The following SHISA9 variants were observed in gnomAD, a reference collection of about 807,000 sequenced individuals.
SHISA9 encodes the protein protein shisa-9.
In SHISA9, 13 loss-of-function variants were observed where a neutral mutation model predicts 38.0. That is an observed-to-expected ratio of 0.34 (90% CI 0.22 to 0.54). SHISA9 has a LOEUF of 0.54. Among genes scored for constraint, SHISA9 ranks in the 20% least tolerant of loss-of-function variants. The pLI is 0.91. For synonymous variants in SHISA9, 275 were observed against 242.0 expected, an observed-to-expected ratio of 1.14 and a Z score of -1.27; for missense variants, 538 against 575.8, an observed-to-expected ratio of 0.93 and a Z score of 0.67.
At chr16:13,314,581 AT>A in the SHISA9 span, among the ~76,000 whole-genome samples, 3 of 148,972 alleles carry the variant, frequency 2.0e-5, no homozygotes, top group Admixed American at 1.3e-4. Context: ...GGTATAATTG[AT>A]ATACCAAAAA....
chr16:12,947,491 C>G (rs12447911), intron 2 of SHISA9, among the ~76,000 whole-genome samples: 1 of 152,148 alleles, frequency 6.6e-6, no homozygotes, highest in Non-Finnish European at 1.5e-5. Flanking sequence ...GTAAAGCACA[C>G]GCTTTGCCTT....
the SHISA9 span, among the ~76,000 whole-genome samples, chr16:13,477,030 C>T: frequency 1.3e-5 from 2 of 152,142 alleles, no homozygotes; most frequent in Non-Finnish European, 2.9e-5. Context: ...AGGCGTGAGC[C>T]ACTGCGCCCA....
At chr16:13,256,152 G>C in the SHISA9 span, among the ~76,000 whole-genome samples, 1 of 152,164 alleles carries the variant, frequency 6.6e-6, no homozygotes, top group African/African-American at 2.4e-5. Flanking sequence ...TCCTACATCT[G>C]CTTAATCCTA....
chr16:13,211,976 A>C (rs1023924831), intron 3 of SHISA9, among the ~76,000 whole-genome samples: 1 of 150,956 alleles, frequency 6.6e-6, no homozygotes, highest in African/African-American at 2.4e-5. Context: ...TAACTTCCTC[A>C]CTCTTCTCTC....
At chr16:13,004,129 G>C (rs1442919008) in intron 2 of SHISA9, among the ~76,000 whole-genome samples, 1 of 152,154 alleles carries the variant, frequency 6.6e-6, no homozygotes, top group Non-Finnish European at 1.5e-5. Flanking sequence ...GGTGTTTGAG[G>C]ACTGCAGGGG....
At chr16:12,989,398 G>A (rs1030122784) in intron 2 of SHISA9, among the ~76,000 whole-genome samples, 11 of 152,038 alleles carry the variant, frequency 7.2e-5, no homozygotes, top group East Asian at 3.9e-4. Flanking sequence ...GGCTGGTCTC[G>A]AACTCCTGAC....
At chr16:13,133,742 G>T (rs1208735926) in intron 2 of SHISA9, among the ~76,000 whole-genome samples, 2 of 152,114 alleles carry the variant, frequency 1.3e-5, no homozygotes, top group African/African-American at 4.8e-5. Context: ...TAATTGGCTT[G>T]TTCTCTGTCA....
chr16:13,208,251 G>C (rs1438707), intron 3 of SHISA9, among the ~76,000 whole-genome samples: 41,436 of 151,864 alleles, frequency 0.27, 6,496 homozygotes, highest in African/African-American at 0.43. Flanking sequence ...TTAAACATGT[G>C]CCATTCATTT....
chr16:12,941,423 A>T (rs1319635177), intron 2 of SHISA9, among the ~76,000 whole-genome samples: 1 of 152,184 alleles, frequency 6.6e-6, no homozygotes, highest in Non-Finnish European at 1.5e-5. Context: ...GGGGTACATG[A>T]TATATTTTGA....
At chr16:13,480,057 A>G in the SHISA9 span, among the ~76,000 whole-genome samples, 1 of 152,160 alleles carries the variant, frequency 6.6e-6, no homozygotes, top group Non-Finnish European at 1.5e-5. Flanking sequence ...GGGATCTCAT[A>G]GCTATTAACT....
chr16:13,182,151 C>T (rs1045559317), intron 2 of SHISA9, among the ~76,000 whole-genome samples: 5 of 152,142 alleles, frequency 3.3e-5, no homozygotes, highest in African/African-American at 1.2e-4. Context: ...CCTAAGTTGC[C>T]ATAGTATCTC....
intron 2 of SHISA9, among the ~76,000 whole-genome samples, chr16:12,947,073 T>G (rs776740915): frequency 2.3e-4 from 35 of 152,166 alleles, no homozygotes; most frequent in Non-Finnish European, 4.0e-4. Flanking sequence ...ATAAGAGAAA[T>G]AAGAGGGGTT....
chr16:13,416,506 G>C, the SHISA9 span, among the ~76,000 whole-genome samples: 1 of 152,084 alleles, frequency 6.6e-6, no homozygotes, highest in South Asian at 2.1e-4. Context: ...ACACCCAAGG[G>C]TACTTAGATT....
intron 2 of SHISA9, among the ~76,000 whole-genome samples, chr16:12,983,971 C>G (rs1429407247): frequency 6.6e-6 from 1 of 152,152 alleles, no homozygotes; most frequent in Non-Finnish European, 1.5e-5. Flanking sequence ...GTTCATAATT[C>G]CTACATTGGT....
At chr16:13,102,379 A>G (rs971588414) in intron 2 of SHISA9, among the ~76,000 whole-genome samples, 13 of 152,180 alleles carry the variant, frequency 8.5e-5, no homozygotes, top group Admixed American at 2.6e-4. Context: ...GAACTGTCCC[A>G]TGGGTTCCAG....
intron 2 of SHISA9, among the ~76,000 whole-genome samples, chr16:13,025,923 A>G (rs2072915355): frequency 6.6e-6 from 1 of 152,006 alleles, no homozygotes; most frequent in Non-Finnish European, 1.5e-5. Flanking sequence ...CTCCTGCCTC[A>G]GCCTCCTGAG....
intron 2 of SHISA9, among the ~76,000 whole-genome samples, chr16:13,061,784 A>G (rs765921056): frequency 1.4e-4 from 21 of 152,200 alleles, no homozygotes; most frequent in Admixed American, 1.0e-3. Flanking sequence ...GGCCAACAGA[A>G]TGAAAGAAAC....
At chr16:13,216,525 T>A (rs1190042626) in intron 4 of SHISA9, among the ~76,000 whole-genome samples, 1 of 152,250 alleles carries the variant, frequency 6.6e-6, no homozygotes, top group Non-Finnish European at 1.5e-5. Context: ...GAACTCTTTT[T>A]AACCCACCAT....
At chr16:13,389,813 A>C in the SHISA9 span, among the ~76,000 whole-genome samples, 1 of 152,236 alleles carries the variant, frequency 6.6e-6, no homozygotes, top group Non-Finnish European at 1.5e-5. Flanking sequence ...TTGTCCTGGA[A>C]AATCACAATG....
Sources: allele counts gnomAD v4.1 joint callset (sites outside exome capture counted in the v4.1 genomes callset), GRCh38; gene constraint gnomAD v4.1.1; transcripts MANE v1.5; gene names NCBI Gene and HGNC (gene_info 2026-07-23, HGNC 2026-07-21).